Variants in PFKFB4 observed in about 807,000 individuals in gnomAD.
PFKFB4 encodes the protein 6-phosphofructo-2-kinase/fructose-2,6-bisphosphatase 4.
In PFKFB4, 42 loss-of-function variants were observed where a neutral mutation model predicts 62.8. The observed-to-expected ratio is 0.67, with a 90% CI of 0.52 to 0.86. The LOEUF (loss-of-function observed/expected upper bound fraction) is 0.86. Among genes scored for constraint, PFKFB4 ranks in the 40% least tolerant of loss-of-function variants. The pLI is 0.00. For synonymous variants in PFKFB4, 204 were observed against 240.7 expected (o/e 0.85, Z 1.41); for missense variants, 475 against 627.2 (o/e 0.76, Z 2.59).
chr3:48,542,085 G>A (rs1242653290), intron 4 of PFKFB4, among the ~76,000 whole-genome samples: 1 of 152,138 alleles, frequency 6.6e-6, no homozygotes, highest in Non-Finnish European at 1.5e-5. Context: ...GGTGGCTCAC[G>A]CCTGTAATCC....
upstream of PFKFB4, chr3:48,563,084 A>AC: frequency 6.2e-7 from 1 of 1,612,020 alleles, no homozygotes; most frequent in East Asian, 2.2e-5. The surrounding 1 kb of genome is among the most constrained non-coding windows in gnomAD (Gnocchi z 4.5). Flanking sequence ...GACTCTGCCC[A>AC]ACATCAGGAC....
upstream of PFKFB4, chr3:48,562,884 C>T (rs754258975): frequency 4.0e-5 from 64 of 1,601,198 alleles, 1 homozygote; most frequent in Middle Eastern, 8.2e-4. The surrounding 1 kb of genome is among the most constrained non-coding windows in gnomAD (Gnocchi z 4.3). Flanking sequence ...TGCAAGAGGC[C>T]GATGGGGACA....
Position 48,519,691 on chromosome 3 carries a change from A to G in PFKFB4, c.*56T>C. On this transcript the variant is annotated 3_prime_UTR_variant, in exon 14 of 14. Coordinates refer to ENST00000232375, the MANE Select transcript of PFKFB4 (RefSeq NM_004567.4). The stretch of plus-strand genomic sequence containing the variant: ...TATCACACACACTGGAGGGCCTGGA[A>G]TGACCCCCTCTGCAGAGAGCAGTGC... 1 of 1,300,578 alleles carries G rather than the reference A, an allele frequency of 7.7e-7. No homozygotes were observed. The allele number at this position is 1,300,578 out of a possible 1,614,324, so 80.6% of individuals were successfully genotyped here.
intron 9 of PFKFB4, among the ~76,000 whole-genome samples, chr3:48,532,632 C>T (rs2042464133): frequency 6.6e-6 from 1 of 152,172 alleles, no homozygotes; most frequent in South Asian, 2.1e-4. Context: ...GGTAGAATCG[C>T]TTGAGGCTAG....
At position 48,535,061 on chromosome 3, in the gene PFKFB4, A is replaced by G. The variant is rs2107517908; in HGVS notation, c.987+451T>C. On this transcript the variant is annotated intron_variant, in intron 9 of 13. Transcript: ENST00000232375. ...TGACTTGAGGTGATCCGCCCGCCTCAGCCTCCCAAAGTGCTGGGATTACAA... is the reference window on the plus strand; with the variant it reads ...TGACTTGAGGTGATCCGCCCGCCTCGGCCTCCCAAAGTGCTGGGATTACAA... Among the ~76,000 whole-genome samples, 3 of 152,252 alleles carry G rather than the reference A, an allele frequency of 2.0e-5. No individual in the cohort carries two copies. The South Asian group carries it at 6.2e-4, about 32-fold the overall frequency.
At position 48,538,492 on chromosome 3, in the gene PFKFB4, A is replaced by T. The variant is rs370535291; in HGVS notation, c.632+6T>A. The stretch of plus-strand genomic sequence containing the variant: ...AGCTGCAGGGCCTGGCGCTGCCCTG[A>T]CTCACCTATCCAGGTCCTCATCTAG... On this transcript the variant is annotated splice_donor_region_variant and intron_variant, in intron 7 of 13. Transcript: ENST00000232375. The T allele has an allele frequency of 1.2e-6, 2 of 1,613,466 alleles. No individual in the cohort carries two copies. The highest frequency in any genetic ancestry group is 1.7e-6 in the Non-Finnish European group (2 of 1,179,948).
Position 48,536,247 on chromosome 3 carries a change from T to A in PFKFB4, c.840+9A>T, listed in dbSNP as rs561632908. 6.2e-7 allele frequency: 1 copy of A among 1,610,994 alleles called. No homozygotes were observed. The highest frequency in any genetic ancestry group is 2.2e-5 in the East Asian group (1 of 44,812). On this transcript the variant is annotated intron_variant, in intron 8 of 13. Coordinates refer to ENST00000232375, the MANE Select transcript of PFKFB4 (RefSeq NM_004567.4). ...GCCCGTGTGCGCACGCAGGGACACA[T>A]GCACTGACCTCCCTGCCCCGAGGGG... is the stretch of plus-strand genomic sequence containing the variant.
At chr3:48,531,483 C>T (rs1282011513) in intron 9 of PFKFB4, among the ~76,000 whole-genome samples, 3 of 150,092 alleles carry the variant, frequency 2.0e-5, no homozygotes, top group African/African-American at 4.9e-5. Context: ...TCTTGTTACC[C>T]AGGCTGGAGT....
At chr3:48,540,406 C>A (rs150436458) in intron 4 of PFKFB4, among the ~76,000 whole-genome samples, 4 of 152,198 alleles carry the variant, frequency 2.6e-5, no homozygotes, top group Non-Finnish European at 5.9e-5. Flanking sequence ...AAGGTGGGGA[C>A]GAAATGGGAG....
intron 6 of PFKFB4, 143 bp from the exon 7 acceptor site, chr3:48,538,762 G>GA: frequency 4.0e-6 from 4 of 1,008,200 alleles, no homozygotes; most frequent in Non-Finnish European, 5.8e-6. Context: ...GCTGAGGTGG[G>GA]GGCTGGTCCA....
chr3:48,550,292 C>T, intron 1 of PFKFB4, 58 bp from the exon 2 acceptor site: 1 of 1,097,030 alleles, frequency 9.1e-7, no homozygotes. Flanking sequence ...GCGCACCCCT[C>T]CCTCTCAGCC....
chr3:48,529,293 A>G (rs1350610191), intron 9 of PFKFB4, among the ~76,000 whole-genome samples: 1 of 152,220 alleles, frequency 6.6e-6, no homozygotes, highest in African/African-American at 2.4e-5. Flanking sequence ...ATAAGGCAAT[A>G]AATTGTGGAT....
chr3:48,539,138 G>A (rs930316529), intron 6 of PFKFB4, 116 bp downstream of exon 6: 4 of 807,220 alleles, frequency 5.0e-6, no homozygotes, highest in African/African-American at 1.7e-5. Context: ...AGCATTTGAA[G>A]TTACACTTCC....
intron 4 of PFKFB4, among the ~76,000 whole-genome samples, chr3:48,541,196 T>C (rs1575384218): frequency 6.6e-6 from 1 of 151,840 alleles, no homozygotes; most frequent in East Asian, 1.9e-4. Context: ...GCCATTCTCC[T>C]GCCTCAGTCT....
Position 48,521,202 on chromosome 3 carries a change from C to T in PFKFB4, c.1350+784G>A, listed in dbSNP as rs749990396. On this transcript the variant is annotated intron_variant, in intron 13 of 13. Coordinates refer to ENST00000232375, the MANE Select transcript of PFKFB4 (RefSeq NM_004567.4). The surrounding 1 kb of genome is among the most constrained non-coding windows in gnomAD (Gnocchi z 5.3). ...GACCCAGAGCCCAAGCAGGCCCCAT[C>T]ATGGATGGCAAGAGGCATGACTGAG... Among the ~76,000 whole-genome samples, 2 of 152,208 alleles carry T rather than the reference C, an allele frequency of 1.3e-5. No homozygotes were observed. Among genetic ancestry groups the T allele is most frequent in the Admixed American group, 6.5e-5 (1 of 15,288 alleles).
intron 3 of PFKFB4, among the ~76,000 whole-genome samples, chr3:48,545,581 C>T (rs2042936832): frequency 6.6e-6 from 1 of 152,084 alleles, no homozygotes; most frequent in Non-Finnish European, 1.5e-5. Flanking sequence ...GAGTCCAGGG[C>T]ACTGAAAAGA....
chr3:48,560,037 G>A (rs556767588), upstream of PFKFB4, among the ~76,000 whole-genome samples: 39 of 151,312 alleles, frequency 2.6e-4, no homozygotes, highest in African/African-American at 8.0e-4. Context: ...CGATCCTCCC[G>A]CCTCAACCTC....
intron 6 of PFKFB4, 81 bp from the exon 7 acceptor site, chr3:48,538,700 G>A: frequency 6.3e-7 from 1 of 1,577,126 alleles, no homozygotes; most frequent in Non-Finnish European, 8.6e-7. Flanking sequence ...CTGCTGGGCA[G>A]GGGGCTGGAG....
chr3:48,551,761 T>C (rs537115409), intron 1 of PFKFB4, among the ~76,000 whole-genome samples: 1 of 151,056 alleles, frequency 6.6e-6, no homozygotes, highest in East Asian at 2.0e-4. Context: ...GTCAGGCTGG[T>C]CTCGAATTCC....
Sources: gnomAD v4.1 joint callset for allele counts (sites outside exome capture counted in the v4.1 genomes callset) on GRCh38, gnomAD v4.1.1 for gene constraint, Gnocchi (gnomAD v3.1) non-coding constraint, MANE v1.5 for transcripts, NCBI Gene and HGNC (gene_info 2026-07-23, HGNC 2026-07-21) for gene names.